Variants in USP9X observed in about 807,000 individuals in gnomAD.
The protein encoded by USP9X is ubiquitin specific peptidase 9 X-linked, also known as ubiquitin carboxyl-terminal hydrolase 9X.
A neutral mutation model predicts 190.3 loss-of-function variants in USP9X; 7 were observed. The observed-to-expected ratio is 0.04, with a 90% CI of 0.02 to 0.07. The LOEUF (loss-of-function observed/expected upper bound fraction) is 0.07, where lower values mean the gene tolerates loss of function less well. Ranked by LOEUF, USP9X falls within the 10% of genes least tolerant of loss-of-function variation. The probability of loss-of-function intolerance (pLI) is 1.00; values close to 1 mark genes in which losing one functional copy is unlikely to be tolerated. For synonymous variants in USP9X, 645 were observed against 659.5 expected (o/e 0.98, Z 0.34); for missense variants, 1,010 against 1,916.9 (o/e 0.53, Z 8.83).
chrX:41,086,861 A>G (rs938755831), intron 1 of USP9X, among the ~76,000 whole-genome samples: 7 of 112,889 alleles, frequency 6.2e-5, no homozygotes, highest in Non-Finnish European at 9.4e-5. Flanking sequence ...GGTAGTGATC[A>G]GGTCTTCAGA....
intron 30 of USP9X, 118 bp from the exon 31 acceptor site, chrX:41,200,942 G>A (rs1602027090): frequency 1.4e-6 from 1 of 712,801 alleles, no homozygotes; most frequent in Non-Finnish European, 2.1e-6. Flanking sequence ...TCAGGTTGCT[G>A]TAGGGTTAGT....
intron 1 of USP9X, among the ~76,000 whole-genome samples, chrX:41,110,541 A>G (rs2146957628): frequency 9.0e-6 from 1 of 111,417 alleles, no homozygotes; most frequent in African/African-American, 3.3e-5. Flanking sequence ...CCTGGCTCCT[A>G]CCACTTTGAC....
chrX:41,144,959 T>A lies in USP9X; in HGVS notation c.1419+333T>A, dbSNP rs1182409367. On this transcript the variant is annotated intron_variant, in intron 11 of 44. Transcript: ENST00000378308. ...ATGAAAGCAAGAGAATACCAATATC[T>A]TGGTATTCTGGGGTCATATGTACAA... Among the ~76,000 whole-genome samples, 4 of 111,494 alleles carry A rather than the reference T, an allele frequency of 3.6e-5. No individual in the cohort carries two copies. The South Asian group carries it at 1.5e-3, about 42-fold the overall frequency.
chrX:41,096,481 C>T (rs753025860), intron 1 of USP9X, among the ~76,000 whole-genome samples: 7 of 111,631 alleles, frequency 6.3e-5, no homozygotes, highest in East Asian at 2.8e-4. Flanking sequence ...CTCGCTCTGC[C>T]GCCCAGGCTG....
intron 41 of USP9X, among the ~76,000 whole-genome samples, chrX:41,225,740 A>G (rs1436396659): frequency 8.9e-6 from 1 of 112,704 alleles, no homozygotes; most frequent in Non-Finnish European, 1.9e-5. Context: ...GTCATTTAAT[A>G]TATTTTGTTG....
chrX:41,184,153 T>C (rs1320340084), intron 22 of USP9X, 25 bp downstream of exon 22: 3 of 1,173,640 alleles, frequency 2.6e-6, no homozygotes, highest in African/African-American at 1.8e-5. Flanking sequence ...TTTTTTGTTG[T>C]TGTTGTTTTC....
Position 41,232,761 on chromosome X carries a change from G to C in USP9X, c.*237G>C, listed in dbSNP as rs1870583703. The C allele has an allele frequency of 3.7e-6, 1 of 272,300 alleles. No homozygotes were observed. The highest frequency in any genetic ancestry group is 6.5e-6 in the Non-Finnish European group (1 of 153,151). 22.4% of individuals were successfully genotyped at this position (272,300 alleles called of 1,213,427 possible). A position where few individuals can be genotyped will look rare whatever the true frequency, so the allele number is the denominator to read the frequency against. Reference sequence around the variant, plus strand: ...TGATGCTAATGTGTAAATGGCAAAGGTGTATATAGTATATTAATGTTGACT... The same window carrying C: ...TGATGCTAATGTGTAAATGGCAAAGCTGTATATAGTATATTAATGTTGACT... On this transcript the variant is annotated 3_prime_UTR_variant, in exon 45 of 45. Coordinates refer to ENST00000378308, the MANE Select transcript of USP9X (RefSeq NM_001039591.3).
At chrX:41,113,498 CA>C (rs1258275761) in intron 1 of USP9X, among the ~76,000 whole-genome samples, 7 of 111,519 alleles carry the variant, frequency 6.3e-5, no homozygotes, top group Admixed American at 2.9e-4. Context: ...CGCGCCTGGC[CA>C]AAAATAAGTA....
At chrX:41,134,081 A>G (rs17145959) in intron 4 of USP9X, among the ~76,000 whole-genome samples, 3,996 of 111,928 alleles carry the variant, frequency 0.036, 173 homozygotes, top group African/African-American at 0.12. Context: ...TCCCTCCACC[A>G]TATTTTTTTT....
In USP9X at chrX:41,123,546, T is replaced by A. The variant is rs1221413306; in HGVS notation, c.-83T>A. The A allele has an allele frequency of 2.4e-6, 2 of 821,584 alleles. No homozygotes were observed. The highest frequency in any genetic ancestry group is 3.6e-6 in the Non-Finnish European group (2 of 558,199). 67.7% of individuals were successfully genotyped at this position (821,584 alleles called of 1,213,427 possible). On this transcript the variant is annotated 5_prime_UTR_variant, in exon 2 of 45. Transcript: ENST00000378308. ...AAGACTGACAAATGCTGGTACTTCA[T>A]CTTCTATAAGTGGACTATAATTTCT...
intron 1 of USP9X, among the ~76,000 whole-genome samples, chrX:41,102,839 C>T (rs1167344631): frequency 1.8e-5 from 2 of 108,593 alleles, no homozygotes; most frequent in African/African-American, 6.7e-5. Context: ...CTCACCCAGG[C>T]TGGAGTGCAG....
chrX:41,150,161 AAAC>A (rs1333286556), intron 12 of USP9X, among the ~76,000 whole-genome samples: 1 of 110,797 alleles, frequency 9.0e-6, no homozygotes, highest in Non-Finnish European at 1.9e-5. Flanking sequence ...GAAAAAAAAA[AAAC>A]AAAAAACTCC....
At chrX:41,101,434 AAAATT>A (rs1326863950) in intron 1 of USP9X, among the ~76,000 whole-genome samples, 1 of 110,238 alleles carries the variant, frequency 9.1e-6, no homozygotes, top group Non-Finnish European at 1.9e-5. Context: ...AAAAAAAAAA[AAAATT>A]AGCCGGGTGT....
At chrX:41,197,564 A>G in intron 29 of USP9X, 54 bp downstream of exon 29, 2 of 1,056,676 alleles carry the variant, frequency 1.9e-6, no homozygotes, top group Middle Eastern at 2.9e-4. Context: ...CTAAATGTTT[A>G]TAATCAAATT....
intron 21 of USP9X, among the ~76,000 whole-genome samples, chrX:41,183,058 C>T (rs1011142693): frequency 3.7e-5 from 4 of 109,538 alleles, no homozygotes; most frequent in African/African-American, 6.6e-5. Context: ...CCTGCCTCAG[C>T]GTCCCGAATA....
intron 11 of USP9X, among the ~76,000 whole-genome samples, 159 bp from the exon 12 acceptor site, chrX:41,148,210 A>T (rs1430290609): frequency 6.3e-5 from 7 of 111,339 alleles, no homozygotes; most frequent in Non-Finnish European, 1.1e-4. Context: ...TCTACCCTAT[A>T]AAAAAAATAC....
intron 14 of USP9X, among the ~76,000 whole-genome samples, chrX:41,160,202 G>A (rs953322095): frequency 9.2e-6 from 1 of 108,797 alleles, no homozygotes; most frequent in Non-Finnish European, 1.9e-5. Context: ...CGGGATATTT[G>A]CCACCTAGAC....
At chrX:41,226,565 G>A (rs150185359) in intron 41 of USP9X, among the ~76,000 whole-genome samples, 3 of 111,975 alleles carry the variant, frequency 2.7e-5, no homozygotes, top group African/African-American at 9.7e-5. Context: ...AGTTTTAGTG[G>A]GGATTGCGAA....
intron 1 of USP9X, among the ~76,000 whole-genome samples, chrX:41,118,968 G>A (rs779745243): frequency 1.8e-5 from 2 of 111,655 alleles, no homozygotes; most frequent in South Asian, 7.4e-4. Flanking sequence ...AGTGTCTAAT[G>A]ATGAGAAGAG....
Sources: gnomAD v4.1 joint callset for allele counts (sites outside exome capture counted in the v4.1 genomes callset) on GRCh38, gnomAD v4.1.1 for gene constraint, MANE v1.5 for transcripts, NCBI Gene and HGNC (gene_info 2026-07-23, HGNC 2026-07-21) for gene names.